Variants in MGA observed in about 807,000 individuals in gnomAD.
MGA encodes the protein MAX gene-associated protein.
A neutral mutation model predicts 261.1 loss-of-function variants in MGA; 40 were observed. That is an observed-to-expected ratio of 0.15 (90% CI 0.12 to 0.20). The LOEUF (loss-of-function observed/expected upper bound fraction) is 0.20. Ranked by LOEUF, MGA falls within the 10% of genes least tolerant of loss-of-function variation. MGA has a pLI of 1.00. For missense variants in MGA, 3,397 were observed against 3,630.5 expected (o/e 0.94, Z 1.65); for synonymous variants, 1,302 against 1,290.6 (o/e 1.01, Z -0.19).
Position 41,710,978 on chromosome 15 carries a change from G to A in MGA, c.2713G>A (p.Ala905Thr), listed in dbSNP as rs1015277089. Residue 905 changes from alanine to threonine, a missense_variant, in exon 8 of 24, where the codon GCA becomes ACA. By Grantham distance (58) the Ala-to-Thr change is moderately conservative (BLOSUM62 0). Transcript: ENST00000219905. ...AAAGGCAAAGTCTCAAAACAGACAG[G>A]CAACTTTCAGTGGCCGAACTAAATC... 17 of 1,613,794 alleles carry A rather than the reference G, an allele frequency of 1.1e-5. No homozygotes were observed. The African/African-American group carries it at 1.5e-4, about 14-fold the overall frequency.
chr15:41,713,200 C>T lies in MGA; in HGVS notation c.3134C>T (p.Pro1045Leu), dbSNP rs762946397. The T allele has an allele frequency of 1.4e-5, 22 of 1,613,972 alleles. No individual in the cohort carries two copies. Among genetic ancestry groups the T allele is most frequent in the East Asian group, 2.2e-5 (1 of 44,884 alleles). The change falls in exon 9 of 24, where the codon CCT (proline) becomes CTT (leucine). Residue 1045 changes from proline to leucine, a missense_variant. This residue lies in a region of MGA where 519 missense variants were observed against 554.1 expected (regional missense o/e 0.94). Transcript: ENST00000219905. ...CACACAATCATAAGGAAACGAGCCCCTCCCTGCAACAATGACTTCTGTCGA... is the reference window on the plus strand; with the variant it reads ...CACACAATCATAAGGAAACGAGCCCTTCCCTGCAACAATGACTTCTGTCGA...
chr15:41,718,069 T>C (rs2060733701), intron 9 of MGA, among the ~76,000 whole-genome samples: 2 of 151,426 alleles, frequency 1.3e-5, no homozygotes, highest in South Asian at 4.1e-4. Flanking sequence ...ATGTTGTAAT[T>C]AGTAAATATG....
chr15:41,669,900 A>G lies in MGA; in HGVS notation c.1006A>G (p.Met336Val), dbSNP rs745893437. 1 of 1,614,010 alleles carries G rather than the reference A, an allele frequency of 6.2e-7. No homozygotes were observed. Among genetic ancestry groups the G allele is most frequent in the South Asian group, 1.1e-5 (1 of 91,084 alleles). Residue 336 changes from methionine (M) to valine (V), a missense_variant, in exon 2 of 24, where the codon ATG becomes GTG. Physicochemically the swap from Met to Val is conservative, Grantham distance 21. Coordinates refer to ENST00000219905, the MANE Select transcript of MGA (RefSeq NM_001164273.2). Reference sequence around the variant, plus strand: ...TATAAAACGAGACTTTCTTGGTTTCATGGATACTGATTCAGCACTTAGTGA... The same window carrying G: ...TATAAAACGAGACTTTCTTGGTTTCGTGGATACTGATTCAGCACTTAGTGA...
chr15:41,672,224 G>T (rs556675184), intron 2 of MGA, among the ~76,000 whole-genome samples: 1 of 152,328 alleles, frequency 6.6e-6, no homozygotes, highest in African/African-American at 2.4e-5. Context: ...TGCATTCACG[G>T]CTCACTGCAG....
At chr15:41,636,200 G>C (rs943840299) in intron 1 of MGA, among the ~76,000 whole-genome samples, 1 of 151,634 alleles carries the variant, frequency 6.6e-6, no homozygotes, top group Non-Finnish European at 1.5e-5. Flanking sequence ...GTGCAGTGGG[G>C]TGATTGAAGC....
chr15:41,659,131 G>T (rs933689313), upstream of MGA, among the ~76,000 whole-genome samples: 2 of 152,170 alleles, frequency 1.3e-5, no homozygotes, highest in African/African-American at 4.8e-5. Context: ...TGCTGACCGT[G>T]CCTGACTTGG....
chr15:41,714,239 C>T (rs2060517547), intron 9 of MGA, among the ~76,000 whole-genome samples: 1 of 152,154 alleles, frequency 6.6e-6, no homozygotes, highest in Admixed American at 6.5e-5. Flanking sequence ...AGTGTATGTT[C>T]CATCATAACG....
intron 1 of MGA, among the ~76,000 whole-genome samples, chr15:41,636,643 G>A (rs1407368267): frequency 1.3e-5 from 2 of 151,890 alleles, no homozygotes; most frequent in Non-Finnish European, 1.5e-5. Flanking sequence ...TTGAACTCCC[G>A]ACCTCAAGTG....
At chr15:41,686,547 TG>T in intron 2 of MGA, among the ~76,000 whole-genome samples, 1 of 152,192 alleles carries the variant, frequency 6.6e-6, no homozygotes, top group Non-Finnish European at 1.5e-5. Flanking sequence ...ATTTTTTTTT[TG>T]AGTGGTCATT....
At chr15:41,628,107 A>G (rs1445312772) in intron 1 of MGA, among the ~76,000 whole-genome samples, 1 of 152,154 alleles carries the variant, frequency 6.6e-6, no homozygotes, top group Non-Finnish European at 1.5e-5. Flanking sequence ...ATGGTGGCTC[A>G]TGCCTGTAAT....
intron 5 of MGA, among the ~76,000 whole-genome samples, chr15:41,701,889 G>GT (rs1291046795): frequency 6.6e-6 from 1 of 151,918 alleles, no homozygotes; most frequent in Non-Finnish European, 1.5e-5. Flanking sequence ...ACACAGTTTT[G>GT]TTTTTTTGAA....
At chr15:41,632,267 T>TA (rs2150556027) in intron 1 of MGA, among the ~76,000 whole-genome samples, 1 of 152,312 alleles carries the variant, frequency 6.6e-6, no homozygotes, top group East Asian at 1.9e-4. Context: ...GTTGTGGTAG[T>TA]AAACTGCAGG....
At chr15:41,751,366 T>C (rs2151928674) in intron 17 of MGA, 1 of 152,314 alleles carries the variant, frequency 6.6e-6, no homozygotes, top group South Asian at 2.1e-4. Flanking sequence ...GAGAGCTAGA[T>C]GGCTCTCTGT....
rs756309834 is a variant in MGA at position 41,727,360 on chromosome 15, C to T, written c.3611C>T (p.Thr1204Ile). The change falls in exon 10 of 24, where the codon ACT (threonine) becomes ATT (isoleucine). Residue 1204 changes from threonine (T) to isoleucine (I), a missense_variant. By Grantham distance (89) the Thr-to-Ile change is moderately conservative. Transcript: ENST00000219905. ...CCTACTGTGAAGGGCAAACTGCTCA[C>T]TGGAATTAAATCTCCACGGTCATAT... 3 of 1,613,854 alleles carry T rather than the reference C, an allele frequency of 1.9e-6. No individual in the cohort carries two copies. Among genetic ancestry groups the T allele is most frequent in the African/African-American group, 2.7e-5 (2 of 74,930 alleles).
chr15:41,694,875 G>T (rs2059474900), intron 2 of MGA, among the ~76,000 whole-genome samples: 1 of 152,076 alleles, frequency 6.6e-6, no homozygotes, highest in Non-Finnish European at 1.5e-5. Context: ...GGCACAAGCA[G>T]TCCTGGCACC....
chr15:41,636,509 G>C (rs998295207), intron 1 of MGA, among the ~76,000 whole-genome samples: 1 of 149,472 alleles, frequency 6.7e-6, no homozygotes, highest in Non-Finnish European at 1.5e-5. Flanking sequence ...TGCCCAGGCT[G>C]GAGTACAGTG....
At chr15:41,711,595 G>T (rs749675450) in intron 8 of MGA, among the ~76,000 whole-genome samples, 7 of 152,148 alleles carry the variant, frequency 4.6e-5, no homozygotes, top group Admixed American at 2.6e-4. Context: ...TCTCTCTCCT[G>T]TATAAAGGCA....
intron 1 of MGA, among the ~76,000 whole-genome samples, chr15:41,666,060 AT>A (rs11428325): frequency 5.4e-4 from 75 of 138,808 alleles, no homozygotes; most frequent in Admixed American, 1.5e-3. Context: ...CATACCTGCT[AT>A]TTTTTTTTTT....
intron 1 of MGA, among the ~76,000 whole-genome samples, chr15:41,634,299 G>T (rs2056654801): frequency 1.3e-5 from 2 of 152,306 alleles, no homozygotes; most frequent in Non-Finnish European, 2.9e-5. Context: ...AATGTTTGCT[G>T]AGTGAATGAA....
Sources: allele counts gnomAD v4.1 joint callset (sites outside exome capture counted in the v4.1 genomes callset), GRCh38; gene constraint gnomAD v4.1.1; regional missense constraint gnomAD v4.1.1; transcripts MANE v1.5; gene names NCBI Gene and HGNC (gene_info 2026-07-23, HGNC 2026-07-21).